SAMD12: variants seen among roughly 807,000 people sequenced by gnomAD.
SAMD12 encodes the protein sterile alpha motif domain-containing protein 12.
Under a neutral mutation model 15.0 loss-of-function variants are expected in SAMD12, and 9 were observed. The observed-to-expected ratio is 0.60, with a 90% CI of 0.36 to 1.05. The LOEUF (loss-of-function observed/expected upper bound fraction) is 1.05, where lower values mean the gene tolerates loss of function less well. Ranked by LOEUF, SAMD12 falls within the 50% of genes least tolerant of loss-of-function variation. The pLI is 0.01. For synonymous variants in SAMD12, 86 were observed against 90.1 expected (o/e 0.96, Z 0.25); for missense variants, 230 against 234.2 (o/e 0.98, Z 0.12).
intron 4 of SAMD12, among the ~76,000 whole-genome samples, chr8:118,328,333 C>G (rs1229965991): frequency 6.6e-6 from 1 of 152,202 alleles, no homozygotes; most frequent in Non-Finnish European, 1.5e-5. Context: ...CTCTATTACA[C>G]TGCTATTCTC....
At chr8:118,425,094 A>G (rs370433704) in intron 3 of SAMD12, among the ~76,000 whole-genome samples, 5 of 151,926 alleles carry the variant, frequency 3.3e-5, no homozygotes, top group Admixed American at 6.6e-5. Flanking sequence ...GCCCGCCACC[A>G]CGCCCAGCTA....
chr8:118,275,871 C>T (rs916410385), intron 4 of SAMD12, among the ~76,000 whole-genome samples: 1 of 152,192 alleles, frequency 6.6e-6, no homozygotes, highest in Admixed American at 6.5e-5. Context: ...ATCCATGTTG[C>T]TGCAAAGGAC....
chr8:118,610,664 C>T (rs1177745997), intron 1 of SAMD12, among the ~76,000 whole-genome samples: 1 of 152,198 alleles, frequency 6.6e-6, no homozygotes, highest in African/African-American at 2.4e-5. Flanking sequence ...CGAGTGCCTT[C>T]TACAAGCCAG....
chr8:118,388,944 C>A (rs1290187925), intron 3 of SAMD12, among the ~76,000 whole-genome samples: 1 of 152,140 alleles, frequency 6.6e-6, no homozygotes, highest in East Asian at 1.9e-4. Context: ...TCAAATACAG[C>A]CTGGCATCAA....
chr8:118,179,539 G>C, the SAMD12 span, among the ~76,000 whole-genome samples: 1 of 152,072 alleles, frequency 6.6e-6, no homozygotes, highest in Admixed American at 6.5e-5. Context: ...AGGAGATGCA[G>C]AGGAGTTAAG....
chr8:118,239,457 C>T lies in SAMD12; in HGVS notation c.434-41725G>A, dbSNP rs112670524. The stretch of plus-strand genomic sequence containing the variant: ...ACCAAGACTCTTCTATTACTGAGTA[C>T]CTATTATGTGCCAGACACTCTTCTA... On this transcript the variant is annotated intron_variant, in intron 4 of 4. Transcript: ENST00000409003. 1.2e-3 allele frequency among the ~76,000 whole-genome samples: 184 copies of T among 152,062 alleles called. 1 individual carries two copies. The highest frequency in any genetic ancestry group is 4.3e-3 in the African/African-American group (177 of 41,498).
intron 2 of SAMD12, among the ~76,000 whole-genome samples, chr8:118,492,763 T>C (rs898500410): frequency 1.3e-5 from 2 of 152,184 alleles, no homozygotes; most frequent in African/African-American, 2.4e-5. Context: ...ATTAACCTAT[T>C]CTGGCAAGCT....
At chr8:118,494,265 A>G (rs1824536067) in intron 2 of SAMD12, among the ~76,000 whole-genome samples, 1 of 152,012 alleles carries the variant, frequency 6.6e-6, no homozygotes, top group African/African-American at 2.4e-5. Flanking sequence ...AGCCTCCTCA[A>G]CTCCTTGATT....
At chr8:118,163,811 C>G in the SAMD12 span, among the ~76,000 whole-genome samples, 1 of 152,176 alleles carries the variant, frequency 6.6e-6, no homozygotes, top group East Asian at 1.9e-4. Context: ...GGAGGCAGAG[C>G]TTGCAGTGAG....
intron 4 of SAMD12, among the ~76,000 whole-genome samples, chr8:118,331,994 G>A (rs961297506): frequency 2.0e-5 from 3 of 152,108 alleles, no homozygotes; most frequent in Non-Finnish European, 4.4e-5. Flanking sequence ...ACTATCAGAG[G>A]AACTTAAGAC....
chr8:118,142,517 C>A, the SAMD12 span, among the ~76,000 whole-genome samples: 5 of 152,214 alleles, frequency 3.3e-5, no homozygotes, highest in Non-Finnish European at 7.3e-5. Flanking sequence ...GCTTGCTTTA[C>A]TGCAGAAACT....
At chr8:118,397,678 A>C (rs1417735555) in intron 3 of SAMD12, among the ~76,000 whole-genome samples, 1 of 152,194 alleles carries the variant, frequency 6.6e-6, no homozygotes, top group African/African-American at 2.4e-5. Context: ...CATTCGAATT[A>C]TGCTGGGCTG....
intron 2 of SAMD12, among the ~76,000 whole-genome samples, chr8:118,491,010 A>T (rs910663260): frequency 2.6e-5 from 4 of 152,140 alleles, no homozygotes; most frequent in African/African-American, 9.7e-5. Context: ...TACAAAGTAA[A>T]ACCAAGCACT....
In SAMD12 at chr8:118,613,550, T is replaced by C. The variant is rs1469464194; in HGVS notation, c.13+8254A>G. On this transcript the variant is annotated intron_variant, in intron 1 of 3. Coordinates refer to ENST00000314727, the MANE Select transcript of SAMD12 (RefSeq NM_207506.3). ...GGAGATCATTTTTCCCCAAAATATT[T>C]AGAGCATCTCTTTTCACTAAAGACT... Among the ~76,000 whole-genome samples the C allele has an allele frequency of 2.6e-5, 4 of 152,216 alleles. No homozygotes were observed. In the East Asian group the frequency reaches 7.7e-4, roughly 29 times the overall value.
intron 2 of SAMD12, among the ~76,000 whole-genome samples, chr8:118,484,894 G>T (rs1429363553): frequency 6.6e-6 from 1 of 152,052 alleles, no homozygotes; most frequent in Non-Finnish European, 1.5e-5. Context: ...TGAAATATTT[G>T]CTCTGGGCAT....
chr8:118,151,586 T>C, the SAMD12 span, among the ~76,000 whole-genome samples: 1 of 152,054 alleles, frequency 6.6e-6, no homozygotes, highest in African/African-American at 2.4e-5. Context: ...CCTAACACTT[T>C]GGGAGGCTGA....
At chr8:118,331,200 A>G (rs55826468) in intron 4 of SAMD12, among the ~76,000 whole-genome samples, 18,188 of 152,148 alleles carry the variant, frequency 0.12, 1,195 homozygotes, top group African/African-American at 0.14. Flanking sequence ...AGTGAAAGTG[A>G]TCAAAGGAAA....
At chr8:118,545,490 C>T (rs1015096957) in intron 2 of SAMD12, among the ~76,000 whole-genome samples, 20 of 152,004 alleles carry the variant, frequency 1.3e-4, no homozygotes, top group African/African-American at 4.6e-4. Flanking sequence ...AAACAAAAAA[C>T]AAGAATCCCA....
At chr8:118,197,961 T>C (rs566737013) in intron 4 of SAMD12, among the ~76,000 whole-genome samples, 108 of 152,232 alleles carry the variant, frequency 7.1e-4, no homozygotes, top group African/African-American at 2.4e-3. Flanking sequence ...AACTGAGAAA[T>C]AGGTGAAGCT....
Sources: allele counts gnomAD v4.1 joint callset (sites outside exome capture counted in the v4.1 genomes callset), GRCh38; gene constraint gnomAD v4.1.1; transcripts MANE v1.5; gene names NCBI Gene and HGNC (gene_info 2026-07-23, HGNC 2026-07-21).